SMYD3: variants seen among roughly 807,000 people sequenced by gnomAD.
The protein encoded by SMYD3 is SET and MYND domain containing 3, also known as histone-lysine N-methyltransferase SMYD3.
A neutral mutation model predicts 57.7 loss-of-function variants in SMYD3; 36 were observed. That is an observed-to-expected ratio of 0.62 (90% CI 0.48 to 0.82). The LOEUF is 0.82. Among genes scored for constraint, SMYD3 ranks in the 40% least tolerant of loss-of-function variants. The pLI, the probability that SMYD3 is intolerant of heterozygous loss-of-function variation, is 0.00. For missense variants in SMYD3, 515 were observed against 538.8 expected (o/e 0.96, Z 0.44); for synonymous variants, 211 against 195.0 (o/e 1.08, Z -0.68).
intron 10 of SMYD3, among the ~76,000 whole-genome samples, chr1:245,846,149 C>G (rs1443483253): frequency 6.6e-6 from 1 of 152,066 alleles, no homozygotes; most frequent in Non-Finnish European, 1.5e-5. Flanking sequence ...GTGGACAAGA[C>G]TGTGAGGAAG....
chr1:246,408,287 G>A (rs1005096580), intron 1 of SMYD3, among the ~76,000 whole-genome samples: 1 of 151,854 alleles, frequency 6.6e-6, no homozygotes, highest in African/African-American at 2.4e-5. Context: ...TTGCTATTTT[G>A]AAACTGTCTA....
At chr1:246,181,328 T>C (rs2062548188) in intron 5 of SMYD3, among the ~76,000 whole-genome samples, 1 of 152,206 alleles carries the variant, frequency 6.6e-6, no homozygotes, top group African/African-American at 2.4e-5. Flanking sequence ...CTAGTGGAAG[T>C]AGGAGGCATC....
chr1:246,109,835 T>C (rs1320563336), intron 5 of SMYD3: 1 of 152,202 alleles, frequency 6.6e-6, no homozygotes, highest in Non-Finnish European at 1.5e-5. Context: ...ACTATGAGGA[T>C]GTCCGTTTGC....
At chr1:246,075,043 A>T (rs1016707190) in intron 5 of SMYD3, among the ~76,000 whole-genome samples, 6 of 152,152 alleles carry the variant, frequency 3.9e-5, no homozygotes, top group African/African-American at 1.4e-4. Context: ...AGGGAAGAGG[A>T]CAGGGTGACC....
chr1:246,137,071 T>C (rs575352421), intron 5 of SMYD3, among the ~76,000 whole-genome samples: 7 of 152,226 alleles, frequency 4.6e-5, no homozygotes, highest in Admixed American at 1.3e-4. Flanking sequence ...TTTCTGATCA[T>C]GCATATACTA....
intron 1 of SMYD3, among the ~76,000 whole-genome samples, chr1:246,386,448 AT>A (rs1033849745): frequency 4.4e-4 from 67 of 152,190 alleles, no homozygotes; most frequent in African/African-American, 1.6e-3. Flanking sequence ...CATTTTAATA[AT>A]TTTTATCCAG....
At chr1:246,084,493 G>A (rs2060693247) in intron 5 of SMYD3, among the ~76,000 whole-genome samples, 1 of 152,022 alleles carries the variant, frequency 6.6e-6, no homozygotes, top group Non-Finnish European at 1.5e-5. Flanking sequence ...TAGGGTTACA[G>A]GCCACTGCAC....
At chr1:245,886,082 GA>G (rs1167324728) in intron 8 of SMYD3, among the ~76,000 whole-genome samples, 1 of 152,068 alleles carries the variant, frequency 6.6e-6, no homozygotes, top group Non-Finnish European at 1.5e-5. Flanking sequence ...AGAAGGTATT[GA>G]AAAAATGCCA....
At chr1:246,168,633 A>G (rs910134422) in intron 5 of SMYD3, among the ~76,000 whole-genome samples, 31 of 152,120 alleles carry the variant, frequency 2.0e-4, no homozygotes, top group Non-Finnish European at 1.0e-4. Flanking sequence ...TTTCTTTGAA[A>G]TGATTCTTTT....
intron 5 of SMYD3, among the ~76,000 whole-genome samples, chr1:245,944,662 A>G (rs2057372328): frequency 6.6e-6 from 1 of 152,212 alleles, no homozygotes; most frequent in Admixed American, 6.5e-5. Flanking sequence ...TATGGAACCA[A>G]AAGAGAGCCT....
intron 5 of SMYD3, among the ~76,000 whole-genome samples, chr1:246,236,429 T>C (rs2148463953): frequency 6.6e-6 from 1 of 152,086 alleles, no homozygotes; most frequent in East Asian, 1.9e-4. Context: ...TTTATTTATT[T>C]TTTGAGATGG....
chr1:245,910,716 G>A (rs551911212), intron 8 of SMYD3, among the ~76,000 whole-genome samples: 8 of 152,036 alleles, frequency 5.3e-5, no homozygotes, highest in Non-Finnish European at 1.0e-4. Flanking sequence ...AATAAAACTA[G>A]ACCCCTATCT....
In SMYD3 at chr1:245,962,646, C is replaced by T. The variant is rs557248269; in HGVS notation, c.532-32709G>A. Among the ~76,000 whole-genome samples, 24 of 152,176 alleles carry T rather than the reference C, an allele frequency of 1.6e-4. No homozygotes were observed. In the South Asian group the frequency reaches 4.6e-3, roughly 29 times the overall value. On this transcript the variant is annotated intron_variant, in intron 5 of 11. Transcript: ENST00000490107. ...AAACAAACCTGCATGTGGGTTGCGT[C>T]GAACAATAAAGAGAAAACAGAGACC... is the stretch of plus-strand genomic sequence containing the variant.
At chr1:246,469,416 T>C (rs2067928465) in intron 1 of SMYD3, among the ~76,000 whole-genome samples, 1 of 152,184 alleles carries the variant, frequency 6.6e-6, no homozygotes, top group South Asian at 2.1e-4. Flanking sequence ...GAAGGCAAAG[T>C]ACAACATAAG....
chr1:246,495,966 A>AAATAATAAT (rs36118885), intron 1 of SMYD3, among the ~76,000 whole-genome samples: 1 of 148,772 alleles, frequency 6.7e-6, no homozygotes, highest in East Asian at 2.0e-4. Flanking sequence ...TCACCTCAAA[A>AAATAATAAT]AATAATAATA....
intron 5 of SMYD3, among the ~76,000 whole-genome samples, chr1:246,131,477 C>A (rs2061586351): frequency 6.6e-6 from 1 of 152,182 alleles, no homozygotes; most frequent in South Asian, 2.1e-4. Context: ...ATTCATAAGG[C>A]TGACCATGCC....
intron 4 of SMYD3, among the ~76,000 whole-genome samples, chr1:246,329,364 C>G (rs1292520286): frequency 6.6e-6 from 1 of 152,152 alleles, no homozygotes; most frequent in Non-Finnish European, 1.5e-5. Flanking sequence ...TGTTTCCTGA[C>G]TTTTTAATGA....
rs544051275 is a variant in SMYD3 at position 246,213,281 on chromosome 1, TAC to T, written c.531+113918_531+113919del. 9.5e-4 allele frequency among the ~76,000 whole-genome samples: 144 copies of T among 152,196 alleles called. 2 individuals are homozygous for T. Among genetic ancestry groups the T allele is most frequent in the African/African-American group, 3.3e-3 (135 of 41,490 alleles). On this transcript the variant is annotated intron_variant, in intron 5 of 11. Coordinates refer to ENST00000490107, the MANE Select transcript of SMYD3 (RefSeq NM_001167740.2). ...ACCAAGGGCCAGACTTTCCAATGCT[TAC>T]ACAGCAGCATGTATGTTAATACCTG...
intron 5 of SMYD3, among the ~76,000 whole-genome samples, chr1:245,957,290 C>A (rs1463749454): frequency 6.6e-6 from 1 of 152,222 alleles, no homozygotes; most frequent in Admixed American, 6.5e-5. Flanking sequence ...CGCTTTGACA[C>A]ACAATAGAAG....
Sources: gnomAD v4.1 joint callset for allele counts (sites outside exome capture counted in the v4.1 genomes callset) on GRCh38, gnomAD v4.1.1 for gene constraint, MANE v1.5 for transcripts, NCBI Gene and HGNC (gene_info 2026-07-23, HGNC 2026-07-21) for gene names.